TRPM3: variants seen among roughly 807,000 people sequenced by gnomAD.
The protein encoded by TRPM3 is transient receptor potential cation channel subfamily M member 3.
Under a neutral mutation model 181.2 loss-of-function variants are expected in TRPM3, and 77 were observed. The ratio of observed to expected loss-of-function variants is 0.42; its 90% CI spans 0.35 to 0.51. The LOEUF (loss-of-function observed/expected upper bound fraction) is 0.51, where lower values mean the gene tolerates loss of function less well. Among genes scored for constraint, TRPM3 ranks in the 20% least tolerant of loss-of-function variants. The probability of loss-of-function intolerance (pLI) is 0.01; values close to 1 mark genes in which losing one functional copy is unlikely to be tolerated. For synonymous variants in TRPM3, 745 were observed against 796.4 expected, an observed-to-expected ratio of 0.94 and a Z score of 1.09; for missense variants, 1,759 against 2,196.7, an observed-to-expected ratio of 0.80 and a Z score of 3.98.
chr9:71,432,689 A>G (rs1170795388), intron 1 of TRPM3, among the ~76,000 whole-genome samples: 2 of 152,182 alleles, frequency 1.3e-5, no homozygotes, highest in Non-Finnish European at 2.9e-5. Flanking sequence ...CATGGAAAAC[A>G]ATTTTAAAGT....
chr9:70,670,788 T>C (rs933838205), intron 9 of TRPM3, among the ~76,000 whole-genome samples: 1 of 152,208 alleles, frequency 6.6e-6, no homozygotes, highest in African/African-American at 2.4e-5. Context: ...GAGTAGAGTG[T>C]CCGCCCTTAA....
intron 7 of TRPM3, among the ~76,000 whole-genome samples, chr9:70,766,071 T>C (rs1159729533): frequency 1.3e-5 from 2 of 152,170 alleles, no homozygotes; most frequent in African/African-American, 4.8e-5. Flanking sequence ...GGTTTTGTGA[T>C]AGGAGGTGTA....
chr9:71,203,606 AC>A (rs1256658474), intron 1 of TRPM3, among the ~76,000 whole-genome samples: 23 of 152,170 alleles, frequency 1.5e-4, no homozygotes, highest in Non-Finnish European at 2.2e-4. Flanking sequence ...TGGCTGTGTG[AC>A]CTTAGGCATG....
rs926755225 is a variant in TRPM3, at chr9:70,664,384, T to C, written c.1345+17122A>G. Among the ~76,000 whole-genome samples the C allele has an allele frequency of 2.0e-5, 3 of 152,186 alleles. No homozygotes were observed. The East Asian group carries it at 5.8e-4, about 29-fold the overall frequency. ...GGAGTCATCCAAATGCTACCTTCTA[T>C]TGAGGCTTTCTTTTCAGACACTTCC... On this transcript the variant is annotated intron_variant, in intron 9 of 25. Coordinates refer to ENST00000677713, the MANE Select transcript of TRPM3 (RefSeq NM_001366145.2).
intron 1 of TRPM3, among the ~76,000 whole-genome samples, chr9:71,332,609 TAC>T (rs2090287026): frequency 6.6e-6 from 1 of 151,824 alleles, no homozygotes; most frequent in East Asian, 1.9e-4. Context: ...AGAGAAAAGT[TAC>T]AGTGTGACAT....
chr9:70,828,078 G>T lies in TRPM3; in HGVS notation c.802-60C>A, dbSNP rs199878830. 8.6e-5 allele frequency: 130 copies of T among 1,512,676 alleles called. 1 individual carries two copies. In the East Asian group the frequency reaches 2.9e-3, roughly 34 times the overall value. 93.7% of individuals were successfully genotyped at this position (1,512,676 alleles called of 1,614,324 possible). A position where few individuals can be genotyped will look rare whatever the true frequency, so the allele number is the denominator to read the frequency against. On this transcript the variant is annotated intron_variant, in intron 5 of 25. Transcript: ENST00000677713. ...AAAAAAAGAACACAAGATATGAAAA[G>T]GAGAATCAGACAGAGGAAAGAGAGG...
chr9:70,970,128 C>T (rs141946048), intron 1 of TRPM3, among the ~76,000 whole-genome samples: 169 of 152,162 alleles, frequency 1.1e-3, no homozygotes, highest in Middle Eastern at 3.4e-3. Flanking sequence ...CTAACCTCTC[C>T]AAACCTCAAT....
intron 3 of TRPM3, among the ~76,000 whole-genome samples, chr9:70,859,329 C>A (rs997353084): frequency 2.0e-5 from 3 of 151,944 alleles, no homozygotes; most frequent in African/African-American, 7.2e-5. Flanking sequence ...CTGTGGAGCA[C>A]AATGGAAGAT....
chr9:71,183,364 C>T (rs78996107), intron 1 of TRPM3, among the ~76,000 whole-genome samples: 74 of 152,168 alleles, frequency 4.9e-4, no homozygotes, highest in African/African-American at 1.7e-3. Context: ...AGATCTTTTT[C>T]GTGGAAGTTC....
intron 1 of TRPM3, among the ~76,000 whole-genome samples, chr9:71,437,434 T>A (rs547257177): frequency 1.3e-5 from 2 of 152,244 alleles, no homozygotes; most frequent in Non-Finnish European, 2.9e-5. Flanking sequence ...AAAAATTATA[T>A]GAAATTCCTA....
At chr9:71,362,004 A>G (rs1485592656) in intron 1 of TRPM3, among the ~76,000 whole-genome samples, 10 of 152,196 alleles carry the variant, frequency 6.6e-5, no homozygotes, top group African/African-American at 2.4e-4. Flanking sequence ...AAGCCAGAGA[A>G]CCAAGGCTCA....
At chr9:70,865,873 A>C (rs2095639873) in intron 1 of TRPM3, among the ~76,000 whole-genome samples, 1 of 152,070 alleles carries the variant, frequency 6.6e-6, no homozygotes, top group South Asian at 2.1e-4. Context: ...GTCCACATGA[A>C]AAGAGCACCC....
At chr9:70,568,775 G>A (rs1182367346) in intron 22 of TRPM3, among the ~76,000 whole-genome samples, 1 of 152,220 alleles carries the variant, frequency 6.6e-6, no homozygotes, top group African/African-American at 2.4e-5. Flanking sequence ...TTTAAAGGCA[G>A]GAGGATTTGC....
intron 1 of TRPM3, among the ~76,000 whole-genome samples, chr9:71,012,003 G>A (rs908528264): frequency 1.3e-5 from 2 of 151,930 alleles, no homozygotes; most frequent in East Asian, 1.9e-4. Flanking sequence ...GGTTGGTCTC[G>A]AATTCCTGGG....
At chr9:70,936,339 C>T (rs541499398) in intron 1 of TRPM3, among the ~76,000 whole-genome samples, 11 of 152,264 alleles carry the variant, frequency 7.2e-5, no homozygotes, top group South Asian at 2.1e-4. Context: ...GTATGAAGAC[C>T]TGACAGCCAT....
chr9:71,196,943 T>C (rs1377622677), intron 1 of TRPM3, among the ~76,000 whole-genome samples: 2 of 122,124 alleles, frequency 1.6e-5, no homozygotes, highest in African/African-American at 3.1e-5. Flanking sequence ...TATGTATACA[T>C]GTGCCATGCT....
chr9:71,421,009 AAG>A lies in TRPM3; in HGVS notation c.183+25642_183+25643del, dbSNP rs1249300332. ...AAAAAGAGAGAGAAAAAGAGAGAAA[AAG>A]AGAGAAAAAGAGAGAAAAAGAAAAA... On this transcript the variant is annotated intron_variant, in intron 1 of 24. Transcript: ENST00000357533. Among the ~76,000 whole-genome samples the A allele has an allele frequency of 1.1e-3, 137 of 126,512 alleles. 1 individual carries two copies. The highest frequency in any genetic ancestry group is 1.3e-3 in the Non-Finnish European group (75 of 56,470). The allele number at this position is 126,512 out of a possible 152,430, so 83.0% of individuals were successfully genotyped here.
intron 1 of TRPM3, among the ~76,000 whole-genome samples, chr9:71,142,864 G>A (rs1305724199): frequency 1.3e-5 from 2 of 151,822 alleles, no homozygotes; most frequent in South Asian, 4.2e-4. Context: ...CAGCACACTG[G>A]GAGGCCAAGG....
At chr9:70,984,400 G>A (rs2097398564) in intron 1 of TRPM3, among the ~76,000 whole-genome samples, 1 of 152,192 alleles carries the variant, frequency 6.6e-6, no homozygotes, top group Admixed American at 6.5e-5. Flanking sequence ...TAAACACAGA[G>A]GGAGAGGCAG....
Sources: allele counts gnomAD v4.1 joint callset (sites outside exome capture counted in the v4.1 genomes callset), GRCh38; gene constraint gnomAD v4.1.1; transcripts MANE v1.5; gene names NCBI Gene and HGNC (gene_info 2026-07-23, HGNC 2026-07-21).